Variants in HTR5A observed in about 807,000 individuals in gnomAD.
The protein encoded by HTR5A is 5-hydroxytryptamine receptor 5A.
In HTR5A, 21 loss-of-function variants were observed where a neutral mutation model predicts 24.3. The observed-to-expected ratio is 0.86, with a 90% CI of 0.61 to 1.24. The LOEUF is 1.24. HTR5A is among the 50% of genes most tolerant of loss of function. The pLI, the probability that HTR5A is intolerant of heterozygous loss-of-function variation, is 0.00. For missense variants in HTR5A, 497 were observed against 489.5 expected, an observed-to-expected ratio of 1.02 and a Z score of -0.15; for synonymous variants, 260 against 213.7, an observed-to-expected ratio of 1.22 and a Z score of -1.89.
In HTR5A at chr7:155,070,533, G is replaced by C. The variant is rs1795276325; in HGVS notation, c.-367G>C. On this transcript the variant is annotated 5_prime_UTR_variant, in exon 1 of 2. Transcript: ENST00000287907. ...ACCAGCCCCTCTCCTGCACCCACAC[G>C]CTGCTGGCCGCCCAGCTTCTCCCCG... is the stretch of plus-strand genomic sequence containing the variant. 1 of 359,068 alleles carries C rather than the reference G, an allele frequency of 2.8e-6. No individual in the cohort carries two copies. Among genetic ancestry groups the C allele is most frequent in the Admixed American group, 4.2e-5 (1 of 23,584 alleles). 22.2% of individuals were successfully genotyped at this position (359,068 alleles called of 1,614,324 possible).
chr7:155,075,459 A>G (rs1224652047), intron 1 of HTR5A, among the ~76,000 whole-genome samples: 1 of 152,250 alleles, frequency 6.6e-6, no homozygotes, highest in Admixed American at 6.5e-5. Flanking sequence ...AAGAATAATT[A>G]TAAATATTGT....
At position 155,070,864 on chromosome 7, in the gene HTR5A, T is replaced by C; in HGVS notation, c.-36T>C. 6.4e-7 allele frequency: 1 copy of C among 1,566,786 alleles called. No individual in the cohort carries two copies. The highest frequency in any genetic ancestry group is 8.6e-7 in the Non-Finnish European group (1 of 1,160,196). ...GCCTTAAGTCCTCCTGAACACCCCT[T>C]CTGCAAGTACCCCAGGGCGGTCTCC... is the stretch of plus-strand genomic sequence containing the variant. On this transcript the variant is annotated 5_prime_UTR_variant, in exon 1 of 2. Transcript: ENST00000287907.
At chr7:155,073,582 A>G (rs944808955) in intron 1 of HTR5A, among the ~76,000 whole-genome samples, 3 of 151,900 alleles carry the variant, frequency 2.0e-5, no homozygotes, top group African/African-American at 4.8e-5. Context: ...GGGTCCACTC[A>G]AATTCCAGAC....
chr7:155,077,466 G>GTTTT (rs11324160), intron 1 of HTR5A, among the ~76,000 whole-genome samples: 2 of 103,354 alleles, frequency 1.9e-5, no homozygotes, highest in African/African-American at 6.3e-5. Context: ...TTTTTTTTTT[G>GTTTT]TTTTTTTTTT....
At position 155,084,325 on chromosome 7, in the gene HTR5A, C is replaced by T. The variant is rs140450324; in HGVS notation, c.912C>T (p.Thr304=). ...TCTGCTGGATCCCCTTCTTTCTCAC[C>T]GAGCTCATCAGTCCCCTCTGCTCCT... The part of the protein sequence containing the change: ...FVLCWIPFFL[T]ELISPLCSCD... Residue 304 remains threonine (T), a synonymous_variant, in exon 2 of 2, where the codon ACC becomes ACT. Transcript: ENST00000287907. 1.0e-3 allele frequency: 1,672 copies of T among 1,614,164 alleles called. 34 individuals carry two copies. The South Asian group carries it at 0.015, about 15-fold the overall frequency.
At chr7:155,073,301 A>C (rs1795318435) in intron 1 of HTR5A, among the ~76,000 whole-genome samples, 1 of 131,616 alleles carries the variant, frequency 7.6e-6, no homozygotes, top group Non-Finnish European at 1.6e-5. Flanking sequence ...AGCCTGGGCG[A>C]CAGAGTGAGA....
chr7:155,084,568 A>T lies in HTR5A; in HGVS notation c.*81A>T, dbSNP rs1216724415. On this transcript the variant is annotated 3_prime_UTR_variant, in exon 2 of 2. Coordinates refer to ENST00000287907, the MANE Select transcript of HTR5A (RefSeq NM_024012.4). ...TTCATCCATTTCCCATCCCCACCCA[A>T]CAGCCATGTGGACGGGATGAATCCT... 8.6e-7 allele frequency: 1 copy of T among 1,166,648 alleles called. No individual in the cohort carries two copies. The highest frequency in any genetic ancestry group is 1.5e-5 in the African/African-American group (1 of 65,178). 72.3% of individuals were successfully genotyped at this position (1,166,648 alleles called of 1,614,324 possible). A position where few individuals can be genotyped will look rare whatever the true frequency, so the allele number is the denominator to read the frequency against.
intron 1 of HTR5A, among the ~76,000 whole-genome samples, chr7:155,078,574 A>G (rs915775492): frequency 2.0e-5 from 3 of 152,108 alleles, no homozygotes; most frequent in Non-Finnish European, 4.4e-5. Context: ...TGGCCTCCCA[A>G]AGTGCTGGGA....
Position 155,079,895 on chromosome 7 carries a change from T to C in HTR5A, c.742-4260T>C, listed in dbSNP as rs115919370. The stretch of plus-strand genomic sequence containing the variant: ...GGACAAAGTGATATATTTTCACAAG[T>C]CGACAAGTCAGGAATGCCCTCATAC... On this transcript the variant is annotated intron_variant, in intron 1 of 1. Coordinates refer to ENST00000287907, the MANE Select transcript of HTR5A (RefSeq NM_024012.4). Among the ~76,000 whole-genome samples, 1,520 of 152,304 alleles carry C rather than the reference T, an allele frequency of 1.0e-2. 29 individuals carry two copies. Among genetic ancestry groups the C allele is most frequent in the African/African-American group, 0.034 (1,425 of 41,554 alleles).
At position 155,070,455 on chromosome 7, in the gene HTR5A, T is replaced by G; in HGVS notation, c.-445T>G. On this transcript the variant is annotated 5_prime_UTR_variant, in exon 1 of 2. Transcript: ENST00000287907. ...GGAGTTAAGGCTGCAGCCGGCTGCC[T>G]AGAGAGAAGGGTGGGCAGGGAGACA... 1 of 427,278 alleles carries G rather than the reference T, an allele frequency of 2.3e-6. No individual in the cohort carries two copies. The highest frequency in any genetic ancestry group is 4.7e-6 in the Non-Finnish European group (1 of 214,614). 26.5% of individuals were successfully genotyped at this position (427,278 alleles called of 1,614,324 possible).
chr7:155,071,374 A>G lies in HTR5A; in HGVS notation c.475A>G (p.Asn159Asp), dbSNP rs1376269884. 3 of 1,613,926 alleles carry G rather than the reference A, an allele frequency of 1.9e-6. No homozygotes were observed. The African/African-American group carries it at 4.0e-5, about 22-fold the overall frequency. Reference sequence around the variant, plus strand: ...GCTCCGCACCCGCAAGTGCGTCTCCAACGTCATGATCGCGCTCACCTGGGC... The same window carrying G: ...GCTCCGCACCCGCAAGTGCGTCTCCGACGTCATGATCGCGCTCACCTGGGC... ...YTLRTRKCVS[N>D]VMIALTWALS... Residue 159 changes from asparagine to aspartate, a missense_variant, in exon 1 of 2, where the codon AAC (asparagine) becomes GAC (aspartate). Transcript: ENST00000287907.
At chr7:155,079,605 G>A (rs1795394666) in intron 1 of HTR5A, among the ~76,000 whole-genome samples, 1 of 152,290 alleles carries the variant, frequency 6.6e-6, no homozygotes, top group South Asian at 2.1e-4. Context: ...TTCATCAGAT[G>A]TTTTTCATTA....
At chr7:155,073,930 C>T (rs1795332704) in intron 1 of HTR5A, among the ~76,000 whole-genome samples, 1 of 119,442 alleles carries the variant, frequency 8.4e-6, no homozygotes, top group Non-Finnish European at 1.6e-5. Context: ...TATATATATA[C>T]TCTCTTCTCT....
intron 1 of HTR5A, among the ~76,000 whole-genome samples, chr7:155,073,225 G>A (rs1218463856): frequency 1.3e-5 from 2 of 149,662 alleles, no homozygotes; most frequent in Non-Finnish European, 3.0e-5. Flanking sequence ...GGAGGCTGAG[G>A]CAGGAGAACG....
intron 1 of HTR5A, among the ~76,000 whole-genome samples, chr7:155,078,730 A>C (rs1240250997): frequency 7.7e-6 from 1 of 130,510 alleles, no homozygotes; most frequent in Non-Finnish European, 1.6e-5. Context: ...GGGTTATATA[A>C]CTCTTCTATT....
intron 1 of HTR5A, chr7:155,074,547 C>T (rs1795340206): frequency 6.6e-6 from 1 of 152,052 alleles, no homozygotes; most frequent in Admixed American, 6.6e-5. Flanking sequence ...GAAATGAGTC[C>T]ATCTCTGGTG....
At chr7:155,080,436 C>T (rs1323862780) in intron 1 of HTR5A, among the ~76,000 whole-genome samples, 1 of 152,180 alleles carries the variant, frequency 6.6e-6, no homozygotes, top group African/African-American at 2.4e-5. Context: ...CTTGTTGAGA[C>T]TGATGTGCTT....
At chr7:155,073,005 T>A (rs1795314092) in intron 1 of HTR5A, among the ~76,000 whole-genome samples, 1 of 152,176 alleles carries the variant, frequency 6.6e-6, no homozygotes, top group Non-Finnish European at 1.5e-5. Flanking sequence ...ACATTTGGGC[T>A]GTCTGGAGAC....
rs913457604 is a variant in HTR5A, at chr7:155,087,342, CTT to C, written c.*2857_*2858del. ...AGCCAAAGAGGCTGTAGAGACAACACTTTGCCATATTTCTATTAAAGAGAAAA... is the reference window on the plus strand; with the variant it reads ...AGCCAAAGAGGCTGTAGAGACAACACTGCCATATTTCTATTAAAGAGAAAA... On this transcript the variant is annotated 3_prime_UTR_variant, in exon 2 of 2. Coordinates refer to ENST00000287907, the MANE Select transcript of HTR5A (RefSeq NM_024012.4). 6.6e-6 allele frequency among the ~76,000 whole-genome samples: 1 copy of C among 152,196 alleles called. No homozygotes were observed. Among genetic ancestry groups the C allele is most frequent in the African/African-American group, 2.4e-5 (1 of 41,466 alleles).
Sources: gnomAD v4.1 joint callset for allele counts (sites outside exome capture counted in the v4.1 genomes callset) on GRCh38, gnomAD v4.1.1 for gene constraint, MANE v1.5 for transcripts, NCBI Gene and HGNC (gene_info 2026-07-23, HGNC 2026-07-21) for gene names.